Variants in MCRIP2 observed in about 807,000 individuals in gnomAD.
MCRIP2 encodes MAPK regulated co-repressor interacting protein 2.
In MCRIP2, 21 loss-of-function variants were observed where a neutral mutation model predicts 23.2. The ratio of observed to expected loss-of-function variants is 0.90; its 90% confidence interval spans 0.64 to 1.30. MCRIP2 has a LOEUF of 1.30. MCRIP2 is among the 50% of genes most tolerant of loss of function. MCRIP2 has a pLI of 0.00. For missense variants in MCRIP2, 234 were observed against 223.2 expected (o/e 1.05, Z -0.31); for synonymous variants, 121 against 100.2 (o/e 1.21, Z -1.24).
Position 642,205 on chromosome 16 carries a change from GGCGCAGCCCTTT to G in MCRIP2, c.147_158del (p.Phe50_Pro53del), listed in dbSNP as rs2037360978. On this transcript the variant is annotated inframe_deletion, in exon 2 of 5. Transcript: ENST00000307650. Reference sequence around the variant, plus strand: ...CGCCGCCGACCTCGCAGCCCCCGCGGGCGCAGCCCTTTGCGCAGCCGCCGGGACCCTGGCCCC... The same window carrying G: ...CGCCGCCGACCTCGCAGCCCCCGCGGGCGCAGCCGCCGGGACCCTGGCCCC... 2.6e-5 allele frequency: 34 copies of G among 1,300,306 alleles called. No individual in the cohort carries two copies. The highest frequency in any genetic ancestry group is 6.9e-5 in the East Asian group (2 of 29,120). The allele number at this position is 1,300,306 out of a possible 1,614,324, so 80.5% of individuals were successfully genotyped here.
rs1449600111 is a variant in MCRIP2 at position 646,691 on chromosome 16, TGGGCCCGGCTGGCCGGGAC to T, written c.183-719_183-701del. ...CAGCTGGGGCCGCTCATCCCTGCCC[TGGGCCCGGCTGGCCGGGAC>T]GGGCCCAGGGGCCCACCAGACGTTG... On this transcript the variant is annotated intron_variant, in intron 2 of 4. Transcript: ENST00000307650. This position sits in a 1 kb window ranked among gnomAD's most constrained non-coding sequence, Gnocchi z 6.5. 2 of 152,134 alleles carry T rather than the reference TGGGCCCGGCTGGCCGGGAC, an allele frequency of 1.3e-5. No homozygotes were observed. The highest frequency in any genetic ancestry group is 2.9e-5 in the Non-Finnish European group (2 of 68,052). 9.4% of individuals were successfully genotyped at this position (152,134 alleles called of 1,614,324 possible). A position where few individuals can be genotyped will look rare whatever the true frequency, so the allele number is the denominator to read the frequency against.
At chr16:647,116 T>G (rs904322548) in intron 2 of MCRIP2, 1 of 416,098 alleles carries the variant, frequency 2.4e-6, no homozygotes. Flanking sequence ...CGGGGAGGGG[T>G]ACTGAGTGGG....
intron 4 of MCRIP2, 87 bp downstream of exon 4, chr16:647,971 G>A (rs182370986): frequency 8.5e-7 from 1 of 1,182,414 alleles, no homozygotes; most frequent in Non-Finnish European, 1.2e-6. Flanking sequence ...CACCCCAGGG[G>A]ATGAGGGAGG....
Position 641,982 on chromosome 16 carries a change from G to T in MCRIP2, c.-10G>T. The T allele has an allele frequency of 7.6e-7, 1 of 1,316,780 alleles. No individual in the cohort carries two copies. Among genetic ancestry groups the T allele is most frequent in the Non-Finnish European group, 9.7e-7 (1 of 1,034,464 alleles). 81.6% of individuals were successfully genotyped at this position (1,316,780 alleles called of 1,614,324 possible). On this transcript the variant is annotated 5_prime_UTR_variant, in exon 1 of 5. Coordinates refer to ENST00000307650, the MANE Select transcript of MCRIP2 (RefSeq NM_138418.4). The stretch of plus-strand genomic sequence containing the variant: ...GCCGGGGGCCGGCGGCGGTGTGGGA[G>T]CGGCGCGTCATGTACACCATCACCA...
rs1437506679 is a variant in MCRIP2 at position 647,785 on chromosome 16, T to TCAG, written c.313_314insCAG (p.Trp105delinsSerGly). On this transcript the variant is annotated protein_altering_variant, in exon 4 of 5. Transcript: ENST00000307650. Reference sequence around the variant, plus strand: ...GCCCGACTGCCCTCCTCCCACAGCCTGGCAGCAGGTGCAACAGCAGCTGGA... The same window carrying TCAG: ...GCCCGACTGCCCTCCTCCCACAGCCTCAGGGCAGCAGGTGCAACAGCAGCTGGA... 6.4e-7 allele frequency: 1 copy of TCAG among 1,562,572 alleles called. No homozygotes were observed. Among genetic ancestry groups the TCAG allele is most frequent in the Non-Finnish European group, 8.7e-7 (1 of 1,154,384 alleles).
In MCRIP2 at chr16:646,969, G is replaced by GT; in HGVS notation, c.183-448_183-447insT. 6.1e-6 allele frequency: 1 copy of GT among 162,738 alleles called. No individual in the cohort carries two copies. Among genetic ancestry groups the GT allele is most frequent in the Admixed American group, 6.1e-5 (1 of 16,462 alleles). The allele number at this position is 162,738 out of a possible 1,614,324, so 10.1% of individuals were successfully genotyped here. A position where few individuals can be genotyped will look rare whatever the true frequency, so the allele number is the denominator to read the frequency against. Reference sequence around the variant, plus strand: ...GGAGATGGAGGTGCTTCTGTGGGGCGAGAATGTGGCCTAGAACTACACCCA... The same window carrying GT: ...GGAGATGGAGGTGCTTCTGTGGGGCGTAGAATGTGGCCTAGAACTACACCCA... On this transcript the variant is annotated intron_variant, in intron 2 of 4. Transcript: ENST00000307650. This position sits in a 1 kb window ranked among gnomAD's most constrained non-coding sequence, Gnocchi z 6.5.
rs1340739879 is a variant in MCRIP2 at position 646,279 on chromosome 16, G to A, written c.183-1138G>A. ...AGGTGGGAGTGGGTTGCAGGCAAGG[G>A]GGCTTTCCAAGTGGACAAACTTTAT... On this transcript the variant is annotated intron_variant, in intron 2 of 4. Coordinates refer to ENST00000307650, the MANE Select transcript of MCRIP2 (RefSeq NM_138418.4). This position sits in a 1 kb window ranked among gnomAD's most constrained non-coding sequence, Gnocchi z 6.5. 1.3e-5 allele frequency: 2 copies of A among 152,212 alleles called. No individual in the cohort carries two copies. The highest frequency in any genetic ancestry group is 2.9e-5 in the Non-Finnish European group (2 of 68,044). 9.4% of individuals were successfully genotyped at this position (152,212 alleles called of 1,614,324 possible).
At chr16:643,421 G>T (rs1006031364) in intron 2 of MCRIP2, among the ~76,000 whole-genome samples, 1 of 152,100 alleles carries the variant, frequency 6.6e-6, no homozygotes, top group African/African-American at 2.4e-5. Flanking sequence ...AGGGAGGGCA[G>T]GGGTAAGGCT....
chr16:642,081 G>A, intron 1 of MCRIP2, 38 bp downstream of exon 1: 3 of 1,319,476 alleles, frequency 2.3e-6, no homozygotes, highest in Non-Finnish European at 2.9e-6. Flanking sequence ...GGGACGGGGC[G>A]GGGCGCGGCG....
Position 641,852 on chromosome 16 carries a change from G to C in MCRIP2, c.-140G>C, listed in dbSNP as rs534436896. On this transcript the variant is annotated 5_prime_UTR_variant, in exon 1 of 5. Transcript: ENST00000307650. ...CGCCGCGTGTCCGGGGTCAGCCCGAGCCCGTGCGGGCCCTTTAAGGGCCGG... is the reference window on the plus strand; with the variant it reads ...CGCCGCGTGTCCGGGGTCAGCCCGACCCCGTGCGGGCCCTTTAAGGGCCGG... 1.4e-6 allele frequency: 1 copy of C among 727,018 alleles called. No homozygotes were observed. Among genetic ancestry groups the C allele is most frequent in the Non-Finnish European group, 1.9e-6 (1 of 533,742 alleles). 45.0% of individuals were successfully genotyped at this position (727,018 alleles called of 1,614,324 possible). A position where few individuals can be genotyped will look rare whatever the true frequency, so the allele number is the denominator to read the frequency against.
At chr16:647,279 GCT>G in intron 2 of MCRIP2, 136 bp from the exon 3 acceptor site, 1 of 1,255,724 alleles carries the variant, frequency 8.0e-7, no homozygotes. Context: ...GTGGGTGGCT[GCT>G]CTCTCTGGTT....
Position 641,909 on chromosome 16 carries a change from G to A in MCRIP2, c.-83G>A. 1.7e-6 allele frequency: 2 copies of A among 1,204,008 alleles called. No homozygotes were observed. The highest frequency in any genetic ancestry group is 2.1e-6 in the Non-Finnish European group (2 of 957,016). The allele number at this position is 1,204,008 out of a possible 1,614,324, so 74.6% of individuals were successfully genotyped here. ...GTAGCGGGCCCGCCCCCTCCCCGCGGCGCCCGCAGTCCGTTAAGTGCGAGC... is the reference window on the plus strand; with the variant it reads ...GTAGCGGGCCCGCCCCCTCCCCGCGACGCCCGCAGTCCGTTAAGTGCGAGC... On this transcript the variant is annotated 5_prime_UTR_variant, in exon 1 of 5. Coordinates refer to ENST00000307650, the MANE Select transcript of MCRIP2 (RefSeq NM_138418.4).
rs1347527303 is a variant in MCRIP2 at position 647,902 on chromosome 16, G to T, written c.412+18G>T. 3.5e-6 allele frequency: 5 copies of T among 1,423,376 alleles called. No individual in the cohort carries two copies. The highest frequency in any genetic ancestry group is 3.8e-6 in the Non-Finnish European group (4 of 1,061,148). The allele number at this position is 1,423,376 out of a possible 1,614,324, so 88.2% of individuals were successfully genotyped here. ...GCTGCAGAGTGAGCCCCCCAACCCT[G>T]TCCCCCCAGGAGAGACCCCCCAGCC... On this transcript the variant is annotated intron_variant, in intron 4 of 4. Transcript: ENST00000307650.
chr16:647,382 G>A, intron 2 of MCRIP2, 35 bp from the exon 3 acceptor site: 1 of 1,609,118 alleles, frequency 6.2e-7, no homozygotes. Flanking sequence ...ACCTGGGATG[G>A]GCACCAACCA....
rs1170778169 is a variant in MCRIP2, at chr16:641,974, G to A, written c.-18G>A. On this transcript the variant is annotated 5_prime_UTR_variant, in exon 1 of 5. In the 5' UTR this introduces an upstream ATG that the reference lacks. Transcript: ENST00000307650. ...CGGATCTGGCCGGGGGCCGGCGGCGGTGTGGGAGCGGCGCGTCATGTACAC... is the reference window on the plus strand; with the variant it reads ...CGGATCTGGCCGGGGGCCGGCGGCGATGTGGGAGCGGCGCGTCATGTACAC... 17 of 1,313,330 alleles carry A rather than the reference G, an allele frequency of 1.3e-5. No homozygotes were observed. Among genetic ancestry groups the A allele is most frequent in the Non-Finnish European group, 1.6e-5 (17 of 1,032,920 alleles). The allele number at this position is 1,313,330 out of a possible 1,614,324, so 81.4% of individuals were successfully genotyped here. A position where few individuals can be genotyped will look rare whatever the true frequency, so the allele number is the denominator to read the frequency against.
chr16:644,528 C>T (rs1483824294), intron 2 of MCRIP2, among the ~76,000 whole-genome samples: 1 of 152,094 alleles, frequency 6.6e-6, no homozygotes, highest in Non-Finnish European at 1.5e-5. Context: ...ACTGCAGCCT[C>T]AACCTCCCAG....
At chr16:647,916 G>C (rs1187208392) in intron 4 of MCRIP2, 32 bp downstream of exon 4, 18 of 1,356,984 alleles carry the variant, frequency 1.3e-5, no homozygotes, top group Non-Finnish European at 1.7e-5. Context: ...CCCCAGGAGA[G>C]ACCCCCCAGC....
Position 648,126 on chromosome 16 carries a change from T to G in MCRIP2, c.419T>G (p.Val140Gly). 6.2e-7 allele frequency: 1 copy of G among 1,605,788 alleles called. No homozygotes were observed. Among genetic ancestry groups the G allele is most frequent in the Non-Finnish European group, 8.5e-7 (1 of 1,175,442 alleles). Reference sequence around the variant, plus strand: ...CAGCCTTCTCTGCCCACAGACTTTGTGCCCATTGACCTAGACGAGTGGTGG... The same window carrying G: ...CAGCCTTCTCTGCCCACAGACTTTGGGCCCATTGACCTAGACGAGTGGTGG... ...RTPNPRLQNFVPIDLDEWWAQ... is the reference protein window; with the variant it reads ...RTPNPRLQNFGPIDLDEWWAQ... The change falls in exon 5 of 5, where the codon GTG becomes GGG. Residue 140 changes from valine (V) to glycine (G), a missense_variant. Transcript: ENST00000307650.
intron 2 of MCRIP2, among the ~76,000 whole-genome samples, chr16:644,563 G>C (rs989682182): frequency 1.3e-5 from 2 of 151,926 alleles, no homozygotes; most frequent in Non-Finnish European, 2.9e-5. Flanking sequence ...CCCACCTCTC[G>C]ACTTCCTGAG....
Sources: allele counts gnomAD v4.1 joint callset (sites outside exome capture counted in the v4.1 genomes callset), GRCh38; gene constraint gnomAD v4.1.1; non-coding constraint Gnocchi (gnomAD v3.1); transcripts MANE v1.5; gene names NCBI Gene and HGNC (gene_info 2026-07-23, HGNC 2026-07-21).